The following ACVRL1 variants were observed in gnomAD, a reference collection of about 807,000 sequenced individuals.
The protein encoded by ACVRL1 is activin receptor type-1-like.
Under a neutral mutation model 51.9 loss-of-function variants are expected in ACVRL1, and 20 were observed. That is an observed-to-expected ratio of 0.39 (90% confidence interval 0.27 to 0.56). The LOEUF (loss-of-function observed/expected upper bound fraction) is 0.56, where lower values mean the gene tolerates loss of function less well. ACVRL1 is among the 20% of genes least tolerant of loss of function. The pLI, the probability that ACVRL1 is intolerant of heterozygous loss-of-function variation, is 0.67. For synonymous variants in ACVRL1, 288 were observed against 280.9 expected, an observed-to-expected ratio of 1.03 and a Z score of -0.25; for missense variants, 451 against 670.3, an observed-to-expected ratio of 0.67 and a Z score of 3.61.
At position 51,921,386 on chromosome 12, in the gene ACVRL1, A is replaced by C; in HGVS notation, c.*493A>C. The C allele has an allele frequency of 4.9e-6, 1 of 202,544 alleles. No homozygotes were observed. Among genetic ancestry groups the C allele is most frequent in the Non-Finnish European group, 1.0e-5 (1 of 97,948 alleles). The allele number at this position is 202,544 out of a possible 1,614,324, so 12.5% of individuals were successfully genotyped here. ...AAGCTCCAGAGAGCCAGGGCCCATC[A>C]GTTTCTCTCTGTGGATTTGTATCTC... On this transcript the variant is annotated 3_prime_UTR_variant, in exon 10 of 10. Coordinates refer to ENST00000388922, the MANE Select transcript of ACVRL1 (RefSeq NM_000020.3).
rs769164568 is a variant in ACVRL1, at chr12:51,913,085, G to A, written c.62-14G>A. On this transcript the variant is annotated splice_polypyrimidine_tract_variant and intron_variant, in intron 2 of 9. Coordinates refer to ENST00000388922, the MANE Select transcript of ACVRL1 (RefSeq NM_000020.3). ...CTGGGACCACAGTGGCTGAGCTTCC[G>A]GTGTGTCTTCCAGGAGACCCTGTGA... The A allele has an allele frequency of 7.5e-6, 12 of 1,599,312 alleles. No homozygotes were observed. Among genetic ancestry groups the A allele is most frequent in the Middle Eastern group, 2.2e-4 (1 of 4,454 alleles).
Position 51,909,583 on chromosome 12 carries a change from G to A in ACVRL1, c.-6+1888G>A, listed in dbSNP as rs372306739. On this transcript the variant is annotated intron_variant, in intron 1 of 9. Coordinates refer to ENST00000388922, the MANE Select transcript of ACVRL1 (RefSeq NM_000020.3). Reference sequence around the variant, plus strand: ...TAATAACAACAGTAGTGGGCAATTTGTACACGTCCACCGAGACCCATGTCT... The same window carrying A: ...TAATAACAACAGTAGTGGGCAATTTATACACGTCCACCGAGACCCATGTCT... Among the ~76,000 whole-genome samples, 9 of 147,820 alleles carry A rather than the reference G, an allele frequency of 6.1e-5. No individual in the cohort carries two copies. The East Asian group carries it at 1.2e-3, about 20-fold the overall frequency.
rs778058646 is a variant in ACVRL1 at position 51,913,676 on chromosome 12, G to A, written c.431G>A (p.Arg144Gln). ...GGTGTCCTGGGCCTGTGGCATGTCC[G>A]ACGGAGGCAGGAGAAGCAGCGTGGC... Reference protein sequence around the residue: ...ALGVLGLWHVRRRQEKQRGLH... With the variant: ...ALGVLGLWHVQRRQEKQRGLH... The change falls in exon 4 of 10, where the codon CGA becomes CAA. Residue 144 changes from arginine to glutamine, a missense_variant. This residue lies in a region of ACVRL1 where 192 missense variants were observed against 216.9 expected (regional missense o/e 0.89). Coordinates refer to ENST00000388922, the MANE Select transcript of ACVRL1 (RefSeq NM_000020.3). The A allele has an allele frequency of 9.3e-6, 15 of 1,610,370 alleles. No individual in the cohort carries two copies. Among genetic ancestry groups the A allele is most frequent in the Middle Eastern group, 1.6e-4 (1 of 6,062 alleles).
chr12:51,916,847 A>G (rs1940850546), intron 8 of ACVRL1, among the ~76,000 whole-genome samples: 1 of 152,120 alleles, frequency 6.6e-6, no homozygotes, highest in Admixed American at 6.5e-5. Flanking sequence ...GGTGGCACAC[A>G]CCTGTAATCC....
chr12:51,919,487 C>T, intron 9 of ACVRL1: 1 of 334,490 alleles, frequency 3.0e-6, no homozygotes, highest in East Asian at 7.2e-5. Flanking sequence ...CCTCAAACTC[C>T]TCGGCTCAAC....
In ACVRL1 at chr12:51,913,675, C is replaced by T. The variant is rs758683062; in HGVS notation, c.430C>T (p.Arg144Ter). 1 of 1,610,272 alleles carries T rather than the reference C, an allele frequency of 6.2e-7. No homozygotes were observed. The highest frequency in any genetic ancestry group is 1.3e-5 in the African/African-American group (1 of 75,048). ...GGGTGTCCTGGGCCTGTGGCATGTC[C>T]GACGGAGGCAGGAGAAGCAGCGTGG... is the stretch of plus-strand genomic sequence containing the variant. ...ALGVLGLWHV[R>*]RRQEKQRGLH... Residue 144 changes from arginine (R) to a stop codon, truncating the protein, a stop_gained, in exon 4 of 10, where the codon CGA becomes TGA. Coordinates refer to ENST00000388922, the MANE Select transcript of ACVRL1 (RefSeq NM_000020.3). LOFTEE classifies it high-confidence loss of function.
In ACVRL1 at chr12:51,913,682, G is replaced by C; in HGVS notation, c.437G>C (p.Arg146Thr). The C allele has an allele frequency of 6.2e-7, 1 of 1,610,938 alleles. No homozygotes were observed. Residue 146 changes from arginine to threonine, a missense_variant, in exon 4 of 10, where the codon AGG becomes ACG. Physicochemically the swap from Arg to Thr is moderately conservative, Grantham distance 71. Coordinates refer to ENST00000388922, the MANE Select transcript of ACVRL1 (RefSeq NM_000020.3). The part of the protein sequence containing the change: ...GVLGLWHVRR[R>T]QEKQRGLHSE... ...CTGGGCCTGTGGCATGTCCGACGGAGGCAGGAGAAGCAGCGTGGCCTGCAC... is the reference window on the plus strand; with the variant it reads ...CTGGGCCTGTGGCATGTCCGACGGACGCAGGAGAAGCAGCGTGGCCTGCAC...
intron 4 of ACVRL1, 26 bp downstream of exon 4, chr12:51,913,796 A>G (rs757264869): frequency 6.2e-7 from 1 of 1,607,374 alleles, no homozygotes; most frequent in South Asian, 1.1e-5. Flanking sequence ...CCTGGGACAC[A>G]GGGTGTAGGA....
intron 5 of ACVRL1, 111 bp downstream of exon 5, chr12:51,914,184 A>T (rs1206673004): frequency 1.1e-6 from 1 of 948,822 alleles, no homozygotes; most frequent in Non-Finnish European, 1.5e-6. Context: ...CTGGGTCAGA[A>T]TTGGAATTCT....
At position 51,913,135 on chromosome 12, in the gene ACVRL1, C is replaced by T. The variant is rs1940730238; in HGVS notation, c.98C>T (p.Thr33Ile). The change falls in exon 3 of 10, where the codon ACC (threonine) becomes ATC (isoleucine). Residue 33 changes from threonine (T) to isoleucine (I), a missense_variant. Thr to Ile is a moderately conservative substitution (Grantham distance 89, BLOSUM62 -1). Around this residue, in one of 2 missense-constraint regions of ACVRL1, gnomAD observed 192 missense variants for 216.9 expected, o/e 0.89. Coordinates refer to ENST00000388922, the MANE Select transcript of ACVRL1 (RefSeq NM_000020.3). ...AAGCCGTCTCGGGGCCCGCTGGTGA[C>T]CTGCACGTGTGAGAGCCCACATTGC... ...PVKPSRGPLV[T>I]CTCESPHCKG... The T allele has an allele frequency of 3.7e-6, 6 of 1,606,974 alleles. No homozygotes were observed. Among genetic ancestry groups the T allele is most frequent in the Non-Finnish European group, 5.1e-6 (6 of 1,179,060 alleles).
At position 51,915,368 on chromosome 12, in the gene ACVRL1, G is replaced by A; in HGVS notation, c.916G>A (p.Ala306Thr). ...PHLALRLAVSAACGLAHLHVE... is the reference protein window; with the variant it reads ...PHLALRLAVSTACGLAHLHVE... The stretch of plus-strand genomic sequence containing the variant: ...TCTGGCTCTGAGGCTAGCTGTGTCC[G>A]CGGCATGCGGCCTGGCGCACCTGCA... The change falls in exon 7 of 10, where the codon GCG becomes ACG. Residue 306 changes from alanine to threonine, a missense_variant. Physicochemically the swap from Ala to Thr is moderately conservative, Grantham distance 58. Transcript: ENST00000388922. The A allele has an allele frequency of 1.2e-6, 2 of 1,614,080 alleles. No homozygotes were observed. Among genetic ancestry groups the A allele is most frequent in the Non-Finnish European group, 1.7e-6 (2 of 1,180,050 alleles).
chr12:51,915,196 G>A (rs1485943407), intron 6 of ACVRL1, 29 bp from the exon 7 acceptor site: 1 of 1,613,628 alleles, frequency 6.2e-7, no homozygotes, highest in African/African-American at 1.3e-5. Flanking sequence ...CAGCCCCTTG[G>A]CTGAGTCACC....
In ACVRL1 at chr12:51,912,537, T is replaced by A. The variant is rs1392607065; in HGVS notation, c.61+2T>A. Reference sequence around the variant, plus strand: ...TGCTGATGGCCTTGGTGACCCAGGGTGAGTACTGGGGGAGCAGTTAGGAAA... The same window carrying A: ...TGCTGATGGCCTTGGTGACCCAGGGAGAGTACTGGGGGAGCAGTTAGGAAA... On this transcript the variant is annotated splice_donor_variant, in intron 2 of 9. Coordinates refer to ENST00000388922, the MANE Select transcript of ACVRL1 (RefSeq NM_000020.3). LOFTEE classifies it high-confidence loss of function. The A allele has an allele frequency of 6.2e-7, 1 of 1,610,590 alleles. No individual in the cohort carries two copies. Among genetic ancestry groups the A allele is most frequent in the Non-Finnish European group, 8.5e-7 (1 of 1,176,970 alleles).
Position 51,913,041 on chromosome 12 carries a change from C to T in ACVRL1, c.62-58C>T, listed in dbSNP as rs1469221519. 9 of 1,574,090 alleles carry T rather than the reference C, an allele frequency of 5.7e-6. No individual in the cohort carries two copies. In the East Asian group the frequency reaches 6.8e-5, roughly 12 times the overall value. On this transcript the variant is annotated intron_variant, in intron 2 of 9. Transcript: ENST00000388922. Reference sequence around the variant, plus strand: ...GGGACAGTAGGACAGAAATGGGTGTCGGGCTCAGCCTGGGGGAGCTGGGAC... The same window carrying T: ...GGGACAGTAGGACAGAAATGGGTGTTGGGCTCAGCCTGGGGGAGCTGGGAC...
rs971314625 is a variant in ACVRL1, at chr12:51,913,411, C to G, written c.313+61C>G. ...TCTTGGCCCCTGCCCTCCCTTCCCT[C>G]CTTTCCTCTCATGCTCTGGCCAATA... On this transcript the variant is annotated intron_variant, in intron 3 of 9. Coordinates refer to ENST00000388922, the MANE Select transcript of ACVRL1 (RefSeq NM_000020.3). The G allele has an allele frequency of 1.9e-6, 3 of 1,589,406 alleles. No homozygotes were observed. The African/African-American group carries it at 4.0e-5, about 21-fold the overall frequency.
chr12:51,914,717 TTTAA>T, intron 6 of ACVRL1, 132 bp downstream of exon 6: 2 of 90,912 alleles, frequency 2.2e-5, no homozygotes, highest in Non-Finnish European at 1.5e-5. Flanking sequence ...AACCTCTTTT[TTTAA>T]TTTAATTTAA....
intron 8 of ACVRL1, 113 bp downstream of exon 8, chr12:51,916,346 C>A: frequency 8.7e-7 from 1 of 1,145,180 alleles, no homozygotes; most frequent in Non-Finnish European, 1.2e-6. Context: ...GACCTCCTGG[C>A]ACCCCTTCCA....
upstream of ACVRL1, chr12:51,907,503 T>A (rs542986350): frequency 1.3e-5 from 2 of 152,106 alleles, no homozygotes; most frequent in Admixed American, 6.5e-5. The surrounding 1 kb of genome is among the most constrained non-coding windows in gnomAD (Gnocchi z 4.5). Context: ...CCAGCCCCCA[T>A]CCCAGTCCCG....
At chr12:51,913,455 G>T (rs1940745442) in intron 3 of ACVRL1, 104 bp from the exon 4 acceptor site, 6 of 1,468,484 alleles carry the variant, frequency 4.1e-6, no homozygotes, top group Non-Finnish European at 5.5e-6. Flanking sequence ...GGGGGCGGGG[G>T]AGCGGGTGGG....
Sources: allele counts gnomAD v4.1 joint callset (sites outside exome capture counted in the v4.1 genomes callset), GRCh38; gene constraint gnomAD v4.1.1; regional missense constraint gnomAD v4.1.1; non-coding constraint Gnocchi (gnomAD v3.1); transcripts MANE v1.5; gene names NCBI Gene and HGNC (gene_info 2026-07-23, HGNC 2026-07-21).